Variants in IGF2BP3 observed in about 807,000 individuals in gnomAD.
The protein encoded by IGF2BP3 is insulin like growth factor 2 mRNA binding protein 3.
IGF2BP3 carries 9 observed loss-of-function variants against 73.8 expected under a neutral mutation model. That is an observed-to-expected ratio of 0.12 (90% CI 0.07 to 0.21). IGF2BP3 has a LOEUF of 0.21. Ranked by LOEUF, IGF2BP3 falls within the 10% of genes least tolerant of loss-of-function variation. The pLI, the probability that IGF2BP3 is intolerant of heterozygous loss-of-function variation, is 1.00. For synonymous variants in IGF2BP3, 258 were observed against 256.7 expected, an observed-to-expected ratio of 1.01 and a Z score of -0.05; for missense variants, 542 against 714.0, an observed-to-expected ratio of 0.76 and a Z score of 2.75.
chr7:23,448,967 C>G (rs1372948340), intron 2 of IGF2BP3, among the ~76,000 whole-genome samples: 1 of 152,114 alleles, frequency 6.6e-6, no homozygotes, highest in Non-Finnish European at 1.5e-5. Context: ...CTCAAGCAAT[C>G]CTCTGGGCTG....
At chr7:23,431,368 A>G (rs1313075603) in intron 2 of IGF2BP3, 1 of 152,228 alleles carries the variant, frequency 6.6e-6, no homozygotes, top group Non-Finnish European at 1.5e-5. Flanking sequence ...TCAGTTCTCC[A>G]TCCCCCTATA....
intron 2 of IGF2BP3, among the ~76,000 whole-genome samples, chr7:23,454,128 T>C (rs536397297): frequency 6.6e-6 from 1 of 152,306 alleles, no homozygotes; most frequent in South Asian, 2.1e-4. Context: ...TTGGATATCT[T>C]TTTGTACACA....
At chr7:23,401,538 G>A (rs912299936) in intron 3 of IGF2BP3, among the ~76,000 whole-genome samples, 20 of 151,910 alleles carry the variant, frequency 1.3e-4, no homozygotes, top group African/African-American at 4.6e-4. Context: ...GCCAAGGCAG[G>A]TGGATCACCT....
At chr7:23,432,445 C>A (rs973398417) in intron 2 of IGF2BP3, among the ~76,000 whole-genome samples, 5 of 152,138 alleles carry the variant, frequency 3.3e-5, no homozygotes, top group African/African-American at 9.7e-5. Flanking sequence ...CACATCATCA[C>A]ACTGGGCCTT....
chr7:23,435,656 C>G (rs1218509139), intron 2 of IGF2BP3, among the ~76,000 whole-genome samples: 5 of 152,122 alleles, frequency 3.3e-5, no homozygotes, highest in Non-Finnish European at 7.4e-5. Context: ...TGAGGTTTCA[C>G]CATGTTGGCC....
chr7:23,364,845 A>C (rs1785328560), intron 3 of IGF2BP3, among the ~76,000 whole-genome samples: 1 of 151,806 alleles, frequency 6.6e-6, no homozygotes, highest in African/African-American at 2.4e-5. Context: ...ACTAGGAGGT[A>C]GTTGACAGTT....
chr7:23,319,803 A>G (rs1043762885), intron 10 of IGF2BP3, among the ~76,000 whole-genome samples: 3 of 152,226 alleles, frequency 2.0e-5, no homozygotes, highest in African/African-American at 4.8e-5. Context: ...TTCAATAGTT[A>G]TCACATCCAA....
At chr7:23,437,768 A>T (rs1787839720) in intron 2 of IGF2BP3, among the ~76,000 whole-genome samples, 1 of 152,194 alleles carries the variant, frequency 6.6e-6, no homozygotes, top group South Asian at 2.1e-4. Context: ...AAAAGTAAAA[A>T]ACTATTCAGT....
intron 2 of IGF2BP3, among the ~76,000 whole-genome samples, chr7:23,460,020 G>C (rs962204518): frequency 5.3e-5 from 8 of 150,596 alleles, no homozygotes; most frequent in Non-Finnish European, 1.2e-4. Flanking sequence ...CTTGAGCCAA[G>C]GAGTTCAAGA....
intron 3 of IGF2BP3, among the ~76,000 whole-genome samples, chr7:23,377,199 A>G (rs1393840570): frequency 1.3e-5 from 2 of 152,216 alleles, no homozygotes; most frequent in Non-Finnish European, 2.9e-5. Context: ...AGACATAGAT[A>G]ATGGGAGAAA....
chr7:23,322,018 T>C (rs760151318), intron 10 of IGF2BP3, among the ~76,000 whole-genome samples: 5 of 152,106 alleles, frequency 3.3e-5, no homozygotes, highest in Non-Finnish European at 7.3e-5. Context: ...GCAGAGTGCC[T>C]CTCCTTCTCC....
chr7:23,351,726 C>T (rs274056), intron 5 of IGF2BP3, 140 bp from the exon 6 acceptor site: 26,481 of 805,772 alleles, frequency 0.033, 869 homozygotes, highest in African/African-American at 0.1. Context: ...GCAGCAAACC[C>T]GCAACACACA....
intron 5 of IGF2BP3, among the ~76,000 whole-genome samples, chr7:23,358,931 T>A (rs1785159638): frequency 6.6e-6 from 1 of 152,226 alleles, no homozygotes; most frequent in African/African-American, 2.4e-5. Context: ...CCTCTCCAAA[T>A]ATTCTTATTG....
chr7:23,459,956 C>T (rs188947024), intron 2 of IGF2BP3, among the ~76,000 whole-genome samples: 4 of 151,876 alleles, frequency 2.6e-5, no homozygotes, highest in African/African-American at 9.7e-5. Flanking sequence ...AGGCCAGGCA[C>T]AGTAGTTCAC....
chr7:23,334,175 A>G (rs570613591), intron 10 of IGF2BP3, among the ~76,000 whole-genome samples: 3 of 152,132 alleles, frequency 2.0e-5, no homozygotes, highest in Middle Eastern at 3.4e-3. Flanking sequence ...ATCTCTACTA[A>G]AAGTACAAAA....
chr7:23,314,405 C>T (rs1050671556), intron 12 of IGF2BP3, among the ~76,000 whole-genome samples: 2 of 151,356 alleles, frequency 1.3e-5, no homozygotes, highest in Non-Finnish European at 2.9e-5. Context: ...AGGCTGGTCT[C>T]GAACTCCTGA....
intron 2 of IGF2BP3, among the ~76,000 whole-genome samples, chr7:23,432,515 A>G (rs1787709531): frequency 6.6e-6 from 1 of 152,186 alleles, no homozygotes; most frequent in East Asian, 1.9e-4. Flanking sequence ...AGAATGTCAA[A>G]CAGGAAAAAA....
At chr7:23,455,070 A>C (rs1244573871) in intron 2 of IGF2BP3, among the ~76,000 whole-genome samples, 1 of 152,250 alleles carries the variant, frequency 6.6e-6, no homozygotes, top group African/African-American at 2.4e-5. Context: ...GCAAAAGTTC[A>C]GTGGGATCTC....
At chr7:23,442,313 C>A (rs1187531833) in intron 2 of IGF2BP3, among the ~76,000 whole-genome samples, 1 of 152,120 alleles carries the variant, frequency 6.6e-6, no homozygotes, top group Non-Finnish European at 1.5e-5. Context: ...AAAATGTAAT[C>A]CCTTAAGGCA....
Sources: allele counts gnomAD v4.1 joint callset (sites outside exome capture counted in the v4.1 genomes callset), GRCh38; gene constraint gnomAD v4.1.1; transcripts MANE v1.5; gene names NCBI Gene and HGNC (gene_info 2026-07-23, HGNC 2026-07-21).